Variants in EYS observed in about 807,000 individuals in gnomAD.
The protein encoded by EYS is EGF-like photoreceptor maintenance factor.
In EYS, 250 loss-of-function variants were observed where a neutral mutation model predicts 282.1. That is an observed-to-expected ratio of 0.89 (90% confidence interval 0.80 to 0.98). The LOEUF (loss-of-function observed/expected upper bound fraction) is 0.98, where lower values mean the gene tolerates loss of function less well. EYS is among the 50% of genes least tolerant of loss of function. EYS has a pLI of 0.00. For missense variants in EYS, 4,016 were observed against 3,709.0 expected, an observed-to-expected ratio of 1.08 and a Z score of -2.15; for synonymous variants, 1,355 against 1,282.9, an observed-to-expected ratio of 1.06 and a Z score of -1.20.
At chr6:64,886,880 C>T in intron 18 of EYS, 38 bp from the exon 19 acceptor site, 1 of 1,234,230 alleles carries the variant, frequency 8.1e-7, no homozygotes, top group Non-Finnish European at 1.1e-6. Context: ...AGCCATGTAA[C>T]AATGATAATC....
intron 12 of EYS, among the ~76,000 whole-genome samples, chr6:65,109,999 T>C (rs6934213): frequency 0.26 from 39,382 of 151,932 alleles, 6,213 homozygotes; most frequent in African/African-American, 0.44. Context: ...TCATCTGAAG[T>C]GCTCAAGCAA....
At chr6:64,286,582 T>C (rs1768509040) in intron 30 of EYS, among the ~76,000 whole-genome samples, 1 of 152,068 alleles carries the variant, frequency 6.6e-6, no homozygotes, top group African/African-American at 2.4e-5. Flanking sequence ...ATCTTCAAAA[T>C]AGAAAAAGGT....
chr6:64,174,572 A>G (rs1445962263), intron 31 of EYS, among the ~76,000 whole-genome samples: 1 of 151,720 alleles, frequency 6.6e-6, no homozygotes, highest in Non-Finnish European at 1.5e-5. Context: ...TTAACCCTAT[A>G]CTAAAATATT....
chr6:65,073,985 C>G (rs1231813028), intron 12 of EYS, among the ~76,000 whole-genome samples: 2 of 151,962 alleles, frequency 1.3e-5, no homozygotes, highest in African/African-American at 4.8e-5. Context: ...TACGTTGCCA[C>G]TGGGCACATG....
At chr6:65,625,530 A>G (rs1766659760) in intron 2 of EYS, among the ~76,000 whole-genome samples, 1 of 152,224 alleles carries the variant, frequency 6.6e-6, no homozygotes, top group African/African-American at 2.4e-5. Context: ...GCCTCAGTTA[A>G]CAAAAGGAAA....
chr6:64,310,222 C>A (rs984508267), intron 29 of EYS, among the ~76,000 whole-genome samples: 1 of 152,142 alleles, frequency 6.6e-6, no homozygotes, highest in African/African-American at 2.4e-5. Context: ...ACCCAGCAAT[C>A]CCATCACTGG....
chr6:64,209,332 T>A (rs1259739748), intron 31 of EYS, among the ~76,000 whole-genome samples: 1 of 152,096 alleles, frequency 6.6e-6, no homozygotes, highest in Non-Finnish European at 1.5e-5. Flanking sequence ...GATATCATAC[T>A]GGTCATTTCT....
chr6:63,768,829 C>T (rs1378415407), intron 40 of EYS, among the ~76,000 whole-genome samples: 2 of 152,056 alleles, frequency 1.3e-5, no homozygotes, highest in African/African-American at 4.8e-5. Context: ...CCTAGATGCC[C>T]ATCAACAGGG....
At chr6:65,178,089 C>T (rs1765273198) in intron 12 of EYS, among the ~76,000 whole-genome samples, 1 of 151,864 alleles carries the variant, frequency 6.6e-6, no homozygotes, top group South Asian at 2.1e-4. Context: ...CAACTGCAAA[C>T]AGCTTACTGG....
intron 35 of EYS, among the ~76,000 whole-genome samples, chr6:63,897,572 G>A (rs1773565593): frequency 6.6e-6 from 1 of 152,164 alleles, no homozygotes; most frequent in Admixed American, 6.5e-5. Context: ...GAATGAGTGT[G>A]CCATAAGCCA....
chr6:65,384,312 T>G, intron 8 of EYS, 74 bp downstream of exon 8: 1 of 807,314 alleles, frequency 1.2e-6, no homozygotes, highest in South Asian at 1.4e-5. Context: ...AATAAGAGCA[T>G]TTGAAATATA....
In EYS at chr6:64,591,578, CT is replaced by C. The variant is rs1315753225; in HGVS notation, c.4288del (p.Ser1430AlafsTer9). ...SATPTTSVIRSIPGADIELNR... is the reference protein window; with the variant it reads ...SATPTTSVIRXIPGADIELNR... ...TAGCTCAATATCAGCCCCTGGAATG[CT>C]TCTAATTACTGAAGTCGTTGGGGTA... is the stretch of plus-strand genomic sequence containing the variant. On this transcript the variant is annotated frameshift_variant, in exon 26 of 43. Transcript: ENST00000503581. LOFTEE classifies it high-confidence loss of function. 2 of 1,551,238 alleles carry C rather than the reference CT, an allele frequency of 1.3e-6. No homozygotes were observed. Among genetic ancestry groups the C allele is most frequent in the Non-Finnish European group, 8.7e-7 (1 of 1,146,756 alleles).
intron 28 of EYS, among the ~76,000 whole-genome samples, chr6:64,413,048 C>A (rs992680173): frequency 2.0e-5 from 3 of 152,082 alleles, no homozygotes; most frequent in Admixed American, 1.3e-4. Context: ...ATACAGGCTG[C>A]AAGGAGCAGG....
chr6:63,769,931 C>A (rs1292364514), intron 40 of EYS, among the ~76,000 whole-genome samples: 3 of 151,948 alleles, frequency 2.0e-5, no homozygotes, highest in Non-Finnish European at 4.4e-5. Context: ...TGTTAAATAT[C>A]ATTCACTTAC....
chr6:63,739,545 T>C (rs1329564728), intron 41 of EYS, among the ~76,000 whole-genome samples: 1 of 152,174 alleles, frequency 6.6e-6, no homozygotes, highest in Admixed American at 6.5e-5. Flanking sequence ...TTGAACTCTC[T>C]GTTGGCAATA....
chr6:65,588,892 TA>T (rs1240033444), intron 2 of EYS, among the ~76,000 whole-genome samples: 1 of 112,676 alleles, frequency 8.9e-6, no homozygotes, highest in Non-Finnish European at 1.8e-5. Flanking sequence ...GCTTTCTTTT[TA>T]AAAAGTGAAA....
intron 35 of EYS, among the ~76,000 whole-genome samples, chr6:63,901,739 C>T (rs541425400): frequency 2.6e-5 from 4 of 151,788 alleles, no homozygotes; most frequent in Non-Finnish European, 4.4e-5. Flanking sequence ...ATCCCTTATC[C>T]GACATGTTTG....
chr6:65,074,915 A>G (rs967383641), intron 12 of EYS, among the ~76,000 whole-genome samples: 18 of 152,226 alleles, frequency 1.2e-4, no homozygotes, highest in African/African-American at 4.3e-4. Flanking sequence ...GATTACTCCA[A>G]AAACTAGGGC....
chr6:65,479,999 C>CAAAAA (rs71002309), intron 5 of EYS, among the ~76,000 whole-genome samples: 1 of 126,238 alleles, frequency 7.9e-6, no homozygotes, highest in Admixed American at 8.0e-5. Flanking sequence ...ACTAAAAATA[C>CAAAAA]AAAAAAAAAA....
Sources: gnomAD v4.1 joint callset for allele counts (sites outside exome capture counted in the v4.1 genomes callset) on GRCh38, gnomAD v4.1.1 for gene constraint, MANE v1.5 for transcripts, NCBI Gene and HGNC (gene_info 2026-07-23, HGNC 2026-07-21) for gene names.